The following SEMA3C variants were observed in gnomAD, a reference collection of about 807,000 sequenced individuals.
SEMA3C encodes semaphorin-3C.
A neutral mutation model predicts 89.4 loss-of-function variants in SEMA3C; 47 were observed. The ratio of observed to expected loss-of-function variants is 0.53; its 90% CI spans 0.42 to 0.67. The LOEUF (loss-of-function observed/expected upper bound fraction) is 0.67. Among genes scored for constraint, SEMA3C ranks in the 30% least tolerant of loss-of-function variants. The pLI is 0.00. For missense variants in SEMA3C, 839 were observed against 929.1 expected, an observed-to-expected ratio of 0.90 and a Z score of 1.26; for synonymous variants, 310 against 320.2, an observed-to-expected ratio of 0.97 and a Z score of 0.34.
At chr7:80,830,569 T>C (rs1055438753) in intron 2 of SEMA3C, among the ~76,000 whole-genome samples, 5 of 152,276 alleles carry the variant, frequency 3.3e-5, no homozygotes, top group African/African-American at 1.2e-4. Context: ...ATTTTTTATG[T>C]TGGAAAAAAC....
At chr7:80,774,827 A>G (rs1425310510) in intron 12 of SEMA3C, among the ~76,000 whole-genome samples, 1 of 152,112 alleles carries the variant, frequency 6.6e-6, no homozygotes, top group African/African-American at 2.4e-5. Flanking sequence ...CACTTCCCAA[A>G]TTTGATGAAA....
intron 12 of SEMA3C, among the ~76,000 whole-genome samples, chr7:80,777,221 GA>G (rs1788570846): frequency 6.6e-6 from 1 of 151,986 alleles, no homozygotes; most frequent in African/African-American, 2.4e-5. Context: ...ATTTAAACTT[GA>G]ATGCTAAAAT....
intron 1 of SEMA3C, among the ~76,000 whole-genome samples, chr7:80,917,909 T>C (rs1792315347): frequency 6.6e-6 from 1 of 152,214 alleles, no homozygotes; most frequent in South Asian, 2.1e-4. Flanking sequence ...GCTTCATTAA[T>C]ACAGAATAAA....
At position 80,800,836 on chromosome 7, in the gene SEMA3C, G is replaced by C; in HGVS notation, c.917-10C>G. On this transcript the variant is annotated splice_polypyrimidine_tract_variant and intron_variant, in intron 9 of 17. Coordinates refer to ENST00000265361, the MANE Select transcript of SEMA3C (RefSeq NM_006379.5). ...AGCAGAAACACATCCTCTATAAAAA[G>C]GAAAATATTCTTTTAAAGTTTCTAA... The C allele has an allele frequency of 1.3e-6, 2 of 1,489,510 alleles. No individual in the cohort carries two copies. The highest frequency in any genetic ancestry group is 1.8e-6 in the Non-Finnish European group (2 of 1,120,484). The allele number at this position is 1,489,510 out of a possible 1,614,324, so 92.3% of individuals were successfully genotyped here.
intron 2 of SEMA3C, among the ~76,000 whole-genome samples, chr7:80,907,298 G>A (rs1456319892): frequency 1.3e-5 from 2 of 151,930 alleles, no homozygotes; most frequent in African/African-American, 2.4e-5. Flanking sequence ...ACCCCTGCCC[G>A]ACTCCGGAAA....
chr7:80,855,151 G>A (rs944387663), intron 2 of SEMA3C, among the ~76,000 whole-genome samples: 1 of 152,038 alleles, frequency 6.6e-6, no homozygotes. Flanking sequence ...AAGACTATAA[G>A]TTATTATCCA....
At chr7:80,826,234 C>G (rs576725799) in intron 4 of SEMA3C, among the ~76,000 whole-genome samples, 1 of 152,200 alleles carries the variant, frequency 6.6e-6, no homozygotes, top group African/African-American at 2.4e-5. Context: ...CATGTTCGGT[C>G]TTGTCTGATC....
At chr7:80,798,427 A>G (rs1789118734) in intron 10 of SEMA3C, among the ~76,000 whole-genome samples, 191 bp from the exon 11 acceptor site, 1 of 152,234 alleles carries the variant, frequency 6.6e-6, no homozygotes, top group Non-Finnish European at 1.5e-5. Flanking sequence ...ACAATACTCA[A>G]TTCATCCATG....
chr7:80,749,324 C>T (rs1787872442), intron 16 of SEMA3C, among the ~76,000 whole-genome samples: 3 of 152,046 alleles, frequency 2.0e-5, no homozygotes, highest in Admixed American at 6.6e-5. Context: ...ACTTTGTTGA[C>T]TTAATTATTA....
At chr7:80,884,664 C>T (rs968954003) in intron 2 of SEMA3C, among the ~76,000 whole-genome samples, 1 of 152,176 alleles carries the variant, frequency 6.6e-6, no homozygotes, top group East Asian at 1.9e-4. Flanking sequence ...ACGGCTTTGT[C>T]TGCCATGGAA....
At chr7:80,822,228 G>A (rs1789765449) in intron 4 of SEMA3C, among the ~76,000 whole-genome samples, 3 of 152,042 alleles carry the variant, frequency 2.0e-5, no homozygotes, top group South Asian at 4.1e-4. Flanking sequence ...CAATAGGACT[G>A]TATTTTTAAA....
intron 11 of SEMA3C, chr7:80,793,603 C>T (rs1200629777): frequency 5.4e-6 from 2 of 373,494 alleles, no homozygotes; most frequent in Non-Finnish European, 1.0e-5. Flanking sequence ...GGATCAATTT[C>T]CCTACATACT....
chr7:80,898,950 A>G (rs959274647), intron 2 of SEMA3C, among the ~76,000 whole-genome samples: 10 of 152,202 alleles, frequency 6.6e-5, no homozygotes, highest in African/African-American at 2.4e-4. Context: ...AAACCTCAAC[A>G]TACACACCTA....
chr7:80,914,102 C>A (rs933375254), intron 2 of SEMA3C, among the ~76,000 whole-genome samples: 1 of 152,166 alleles, frequency 6.6e-6, no homozygotes, highest in Non-Finnish European at 1.5e-5. Flanking sequence ...ATGCAAATGA[C>A]CTCTGTCTAA....
intron 7 of SEMA3C, among the ~76,000 whole-genome samples, chr7:80,805,205 G>A (rs1789309386): frequency 6.6e-6 from 1 of 152,010 alleles, no homozygotes; most frequent in South Asian, 2.1e-4. Flanking sequence ...AAAAAGAGAG[G>A]AGGCCCCGGC....
chr7:80,777,422 G>A (rs1209483246), intron 12 of SEMA3C, among the ~76,000 whole-genome samples: 1 of 152,114 alleles, frequency 6.6e-6, no homozygotes, highest in African/African-American at 2.4e-5. Flanking sequence ...CTCCTGAGTA[G>A]CTGGAATTAC....
At chr7:80,761,932 T>C (rs1208960169) in intron 13 of SEMA3C, among the ~76,000 whole-genome samples, 8 of 151,444 alleles carry the variant, frequency 5.3e-5, no homozygotes, top group Non-Finnish European at 2.9e-5. Flanking sequence ...CTACTAAAAA[T>C]ACAAAAATTA....
chr7:80,763,087 A>G (rs2117056096), intron 13 of SEMA3C, among the ~76,000 whole-genome samples: 1 of 152,328 alleles, frequency 6.6e-6, no homozygotes, highest in African/African-American at 2.4e-5. Context: ...GGCAGCTACT[A>G]GTAGTTATAC....
At chr7:80,802,086 A>G (rs1789222728) in intron 9 of SEMA3C, among the ~76,000 whole-genome samples, 1 of 152,148 alleles carries the variant, frequency 6.6e-6, no homozygotes, top group African/African-American at 2.4e-5. Context: ...GATTAAAAAA[A>G]TAAAAAAACT....
Sources: gnomAD v4.1 joint callset for allele counts (sites outside exome capture counted in the v4.1 genomes callset) on GRCh38, gnomAD v4.1.1 for gene constraint, MANE v1.5 for transcripts, NCBI Gene and HGNC (gene_info 2026-07-23, HGNC 2026-07-21) for gene names.